The following MSANTD2 variants were observed in gnomAD, a reference collection of about 807,000 sequenced individuals.
The protein encoded by MSANTD2 is myb/SANT-like DNA-binding domain-containing protein 2.
MSANTD2 carries 19 observed loss-of-function variants against 52.6 expected under a neutral mutation model. The observed-to-expected ratio is 0.36, with a 90% CI of 0.25 to 0.53. The LOEUF (loss-of-function observed/expected upper bound fraction) is 0.53, where lower values mean the gene tolerates loss of function less well. Among genes scored for constraint, MSANTD2 ranks in the 20% least tolerant of loss-of-function variants. The pLI, the probability that MSANTD2 is intolerant of heterozygous loss-of-function variation, is 0.91. For missense variants in MSANTD2, 558 were observed against 716.3 expected (o/e 0.78, Z 2.52); for synonymous variants, 291 against 289.7 (o/e 1.00, Z -0.04).
At chr11:124,783,953 T>C (rs1335243161) in intron 1 of MSANTD2, 2 of 985,312 alleles carry the variant, frequency 2.0e-6, no homozygotes, top group African/African-American at 1.7e-5. Flanking sequence ...CTAGCATGCA[T>C]GTTCATGTAT....
At position 124,766,885 on chromosome 11, in the gene MSANTD2, A is replaced by C. The variant is rs1434778449; in HGVS notation, c.*291T>G. The C allele has an allele frequency of 1.5e-5, 4 of 272,854 alleles. No individual in the cohort carries two copies. Among genetic ancestry groups the C allele is most frequent in the African/African-American group, 2.2e-5 (1 of 45,328 alleles). The allele number at this position is 272,854 out of a possible 1,614,324, so 16.9% of individuals were successfully genotyped here. On this transcript the variant is annotated 3_prime_UTR_variant, in exon 4 of 4. Transcript: ENST00000374979. ...GAATGTACCTACATTTGTTTATATT[A>C]GGGCTCTAAAATCCATTTAAAAATT...
chr11:124,771,955 G>A (rs999696633), intron 3 of MSANTD2, among the ~76,000 whole-genome samples: 1 of 152,072 alleles, frequency 6.6e-6, no homozygotes, highest in African/African-American at 2.4e-5. Flanking sequence ...ATAAATTTTC[G>A]GTCAGTATAT....
chr11:124,767,571 C>A lies in MSANTD2; in HGVS notation c.1285G>T (p.Glu429Ter). Residue 429 changes from glutamate (E) to a stop codon, truncating the protein, a stop_gained, in exon 4 of 4, where the codon GAA becomes TAA. Coordinates refer to ENST00000374979, the MANE Select transcript of MSANTD2 (RefSeq NM_001308027.2). LOFTEE classifies it high-confidence loss of function. The surrounding 1 kb of genome is among the most constrained non-coding windows in gnomAD (Gnocchi z 6.5). Reference protein sequence around the residue: ...SPGLYAIGYEECIERPLSPHM... With the variant: ...SPGLYAIGYE ...GGTGAGAGGGGCCTCTCAATACATT[C>A]TTCATAGCCAATGGCATAAAGGCCT... is the stretch of plus-strand genomic sequence containing the variant. The A allele has an allele frequency of 6.2e-7, 1 of 1,614,178 alleles. No homozygotes were observed. Among genetic ancestry groups the A allele is most frequent in the Non-Finnish European group, 8.5e-7 (1 of 1,180,024 alleles).
intron 1 of MSANTD2, among the ~76,000 whole-genome samples, chr11:124,799,350 G>C (rs1385277546): frequency 6.6e-6 from 1 of 152,220 alleles, no homozygotes; most frequent in Non-Finnish European, 1.5e-5. Context: ...GCTCAAGATA[G>C]AAGCAAAGCG....
Position 124,800,045 on chromosome 11 carries a change from G to A in MSANTD2, c.336C>T (p.Leu112=), listed in dbSNP as rs771600124. 3 of 1,567,810 alleles carry A rather than the reference G, an allele frequency of 1.9e-6. No homozygotes were observed. The highest frequency in any genetic ancestry group is 1.4e-5 in the African/African-American group (1 of 71,172). The change falls in exon 1 of 4, where the codon CTC becomes CTT. Residue 112 remains leucine (L), a synonymous_variant. Coordinates refer to ENST00000374979, the MANE Select transcript of MSANTD2 (RefSeq NM_001308027.2). The surrounding 1 kb of genome is among the most constrained non-coding windows in gnomAD (Gnocchi z 4.3). ...GCCGCTCGTTGCCCCACACTGCGAT[G>A]AGCGCGTTCGTCTCGGCTGGCGTCC... ...MSWTPAETNA[L]IAVWGNERLV... is the part of the protein sequence containing the mutation.
chr11:124,773,203 T>C (rs569390800), intron 2 of MSANTD2, 149 bp from the exon 3 acceptor site: 5 of 568,880 alleles, frequency 8.8e-6, no homozygotes, highest in Non-Finnish European at 1.2e-5. Context: ...GTCAGATTTA[T>C]AAATATAGCT....
In MSANTD2 at chr11:124,797,523, A is replaced by T. The variant is rs77648754; in HGVS notation, c.510+2348T>A. Among the ~76,000 whole-genome samples the T allele has an allele frequency of 2.1e-3, 309 of 148,618 alleles. 1 individual carries two copies. The highest frequency in any genetic ancestry group is 6.7e-3 in the African/African-American group (256 of 38,220). On this transcript the variant is annotated intron_variant, in intron 1 of 3. Transcript: ENST00000374979. ...ATTAAAAATAAACATAAAACAAATT[A>T]AAAAAAATGTAGTGTCTACTATATG...
chr11:124,798,258 AAAT>A (rs1945559616), intron 1 of MSANTD2, among the ~76,000 whole-genome samples: 1 of 147,472 alleles, frequency 6.8e-6, no homozygotes, highest in African/African-American at 2.5e-5. Flanking sequence ...AAAAAAAAAA[AAAT>A]TTAATGAGCC....
Position 124,773,014 on chromosome 11 carries a change from T to C in MSANTD2, c.807A>G (p.Gln269=), listed in dbSNP as rs754889477. 6.2e-7 allele frequency: 1 copy of C among 1,600,332 alleles called. No homozygotes were observed. Residue 269 remains glutamine, a synonymous_variant, in exon 3 of 4, where the codon CAA becomes CAG. Transcript: ENST00000374979. ...CTTACTGTGCTTCTTCAGAAGACTC[T>C]TGTTTTATTTTTAATGTTCTCTTTG... ...PVTKRTLKIK[Q]ESSEEAQKRD... is the part of the protein sequence containing the mutation.
At position 124,774,761 on chromosome 11, in the gene MSANTD2, G is replaced by A. The variant is rs1191570069; in HGVS notation, c.724C>T (p.His242Tyr). 4 of 1,614,122 alleles carry A rather than the reference G, an allele frequency of 2.5e-6. No homozygotes were observed. The highest frequency in any genetic ancestry group is 3.4e-6 in the Non-Finnish European group (4 of 1,180,016). The change falls in exon 2 of 4, where the codon CAC becomes TAC. Residue 242 changes from histidine to tyrosine, a missense_variant. By Grantham distance (83) the His-to-Tyr change is moderately conservative. Transcript: ENST00000374979. The surrounding 1 kb of genome is among the most constrained non-coding windows in gnomAD (Gnocchi z 5.1). ...GGATAGCCATGGAGATCCTGACTGT[G>A]GTTTCCCCAGTCCTCCTGTGAATAG... is the stretch of plus-strand genomic sequence containing the variant. ...EDYSQEDWGN[H>Y]SQDLHGYPTD...
intron 1 of MSANTD2, chr11:124,792,903 A>G (rs1304670457): frequency 6.6e-6 from 1 of 152,180 alleles, no homozygotes; most frequent in African/African-American, 2.4e-5. Context: ...ACTTTAGCCA[A>G]AAGTTAAGCT....
intron 1 of MSANTD2, among the ~76,000 whole-genome samples, chr11:124,776,540 G>A (rs971946744): frequency 1.8e-4 from 27 of 152,142 alleles, no homozygotes; most frequent in African/African-American, 5.3e-4. Context: ...CAGGTGATCC[G>A]CCCGCCTTGG....
chr11:124,794,320 T>C (rs1945424820), intron 1 of MSANTD2, among the ~76,000 whole-genome samples: 1 of 152,228 alleles, frequency 6.6e-6, no homozygotes, highest in Non-Finnish European at 1.5e-5. Context: ...GCTTCTTAGC[T>C]CCTTTCCTTC....
At chr11:124,783,419 T>C (rs1226917483) in intron 1 of MSANTD2, among the ~76,000 whole-genome samples, 2 of 152,102 alleles carry the variant, frequency 1.3e-5, no homozygotes, top group African/African-American at 2.4e-5. Flanking sequence ...CCAGGAGTTC[T>C]AGACCAGCCT....
chr11:124,795,568 C>T (rs1159423808), intron 1 of MSANTD2, among the ~76,000 whole-genome samples: 1 of 152,180 alleles, frequency 6.6e-6, no homozygotes, highest in Non-Finnish European at 1.5e-5. Context: ...TCAAGTACCG[C>T]CTTGCATTCC....
At chr11:124,790,474 G>A (rs539597029) in intron 1 of MSANTD2, 12 of 152,160 alleles carry the variant, frequency 7.9e-5, no homozygotes, top group African/African-American at 2.7e-4. Flanking sequence ...AACAAATTCT[G>A]GAAATTAAAA....
intron 1 of MSANTD2, chr11:124,784,172 AGTT>A (rs2135254326): frequency 1.0e-6 from 1 of 985,204 alleles, no homozygotes; most frequent in African/African-American, 1.7e-5. Context: ...AAAAAAAATC[AGTT>A]GTTGGCAAAG....
At position 124,767,870 on chromosome 11, in the gene MSANTD2, C is replaced by T. The variant is rs540367055; in HGVS notation, c.986G>A (p.Arg329His). The change falls in exon 4 of 4, where the codon CGT becomes CAT. Residue 329 changes from arginine to histidine, a missense_variant. Transcript: ENST00000374979. This position sits in a 1 kb window ranked among gnomAD's most constrained non-coding sequence, Gnocchi z 6.5. ...GYNTRWKEDIRYHYAEISSQV... is the reference protein window; with the variant it reads ...GYNTRWKEDIHYHYAEISSQV... ...GGAGCTGATCTCAGCATAATGGTAA[C>T]GGATATCCTCTTTCCAACGGGTGTT... is the stretch of plus-strand genomic sequence containing the variant. 2.6e-5 allele frequency: 42 copies of T among 1,614,190 alleles called. No homozygotes were observed. Among genetic ancestry groups the T allele is most frequent in the South Asian group, 1.4e-4 (13 of 91,086 alleles).
At chr11:124,791,121 G>C (rs1591473275) in intron 1 of MSANTD2, 2 of 667,094 alleles carry the variant, frequency 3.0e-6, no homozygotes, top group South Asian at 3.4e-5. Flanking sequence ...TGGTGAAGAG[G>C]ACCCAGGGAC....
Sources: allele counts gnomAD v4.1 joint callset (sites outside exome capture counted in the v4.1 genomes callset), GRCh38; gene constraint gnomAD v4.1.1; non-coding constraint Gnocchi (gnomAD v3.1); transcripts MANE v1.5; gene names NCBI Gene and HGNC (gene_info 2026-07-23, HGNC 2026-07-21).